The following ZNF875 variants were observed in gnomAD, a reference collection of about 807,000 sequenced individuals.
The protein encoded by ZNF875 is HKR1, GLI-Kruppel zinc finger family member.
Under a neutral mutation model 11.2 loss-of-function variants are expected in ZNF875, and 14 were observed. The ratio of observed to expected loss-of-function variants is 1.26; its 90% CI spans 0.83 to 1.96. ZNF875 has a LOEUF of 1.96. ZNF875 is among the 30% of genes most tolerant of loss of function. The probability of loss-of-function intolerance (pLI) is 0.00; values close to 1 mark genes in which losing one functional copy is unlikely to be tolerated. For synonymous variants in ZNF875, 301 were observed against 281.1 expected (o/e 1.07, Z -0.71); for missense variants, 752 against 760.4 (o/e 0.99, Z 0.13).
Position 37,351,408 on chromosome 19 carries a change from A to G in ZNF875, c.256+3536A>G, listed in dbSNP as rs376104184. On this transcript the variant is annotated intron_variant, in intron 4 of 4. Coordinates refer to ENST00000392153, the MANE Select transcript of ZNF875 (RefSeq NM_001353803.2). The stretch of plus-strand genomic sequence containing the variant: ...TTTGGTTTCATTGATTTTCTGTAGT[A>G]TTAATCTATATCCCATTTAAGTGAT... Among the ~76,000 whole-genome samples the G allele has an allele frequency of 2.9e-4, 44 of 152,270 alleles. No homozygotes were observed. The South Asian group carries it at 4.1e-3, about 14-fold the overall frequency.
chr19:37,350,026 G>A (rs1236301037), intron 4 of ZNF875, among the ~76,000 whole-genome samples: 1 of 128,450 alleles, frequency 7.8e-6, no homozygotes, highest in Non-Finnish European at 1.6e-5. Context: ...GTGCAAAGGC[G>A]CAATCTCGGC....
At chr19:37,332,351 G>T (rs1289361172), upstream of ZNF875, among the ~76,000 whole-genome samples, 1 of 151,908 alleles carries the variant, frequency 6.6e-6, no homozygotes, top group Non-Finnish European at 1.5e-5. Context: ...CCACAGGTGT[G>T]TAGGGGCAAC....
intron 2 of ZNF875, 190 bp from the exon 3 acceptor site, chr19:37,347,000 A>G (rs766743538): frequency 3.1e-5 from 18 of 578,764 alleles, no homozygotes; most frequent in African/African-American, 5.7e-5. Flanking sequence ...TATTTTTAGT[A>G]GAGACGGGGT....
upstream of ZNF875, among the ~76,000 whole-genome samples, chr19:37,333,237 C>T (rs1026989058): frequency 2.0e-5 from 3 of 151,038 alleles, no homozygotes; most frequent in Non-Finnish European, 4.4e-5. Flanking sequence ...CCTCACTGTA[C>T]CCCCACCCCC....
intron 1 of ZNF875, among the ~76,000 whole-genome samples, chr19:37,319,368 T>TATAA (rs1390266781): frequency 2.1e-5 from 3 of 144,022 alleles, no homozygotes; most frequent in Non-Finnish European, 3.0e-5. Context: ...TATATATATA[T>TATAA]AATAAAAATG....
chr19:37,360,498 T>A (rs557040083), intron 4 of ZNF875, among the ~76,000 whole-genome samples: 1 of 152,376 alleles, frequency 6.6e-6, no homozygotes, highest in Non-Finnish European at 1.5e-5. Context: ...ATACCATGAT[T>A]ATGTTGAATC....
chr19:37,361,726 G>T (rs2039954001), intron 4 of ZNF875, among the ~76,000 whole-genome samples: 1 of 152,006 alleles, frequency 6.6e-6, no homozygotes, highest in African/African-American at 2.4e-5. Context: ...AGACCAGCCT[G>T]GCAAACACGG....
intron 1 of ZNF875, among the ~76,000 whole-genome samples, chr19:37,320,510 C>T (rs1480956689): frequency 6.6e-6 from 1 of 152,092 alleles, no homozygotes; most frequent in Non-Finnish European, 1.5e-5. Flanking sequence ...TCAGGAATTA[C>T]ACCAAAATTT....
rs1487251620 is a variant in ZNF875, at chr19:37,363,814, C to T, written c.*39C>T. ...ATAGGGAATGTGGTACAGCCTTTAG[C>T]CAGGAGTCATACTTCATCAGACACC... On this transcript the variant is annotated 3_prime_UTR_variant, in exon 5 of 5. Coordinates refer to ENST00000392153, the MANE Select transcript of ZNF875 (RefSeq NM_001353803.2). 6.5e-7 allele frequency: 1 copy of T among 1,548,556 alleles called. No individual in the cohort carries two copies. The highest frequency in any genetic ancestry group is 1.1e-5 in the South Asian group (1 of 88,030).
intron 1 of ZNF875, among the ~76,000 whole-genome samples, chr19:37,318,703 A>T (rs896776380): frequency 9.9e-5 from 15 of 151,764 alleles, no homozygotes; most frequent in Admixed American, 1.3e-4. Flanking sequence ...TTGTATTTGT[A>T]GTAGAGACGG....
intron 2 of ZNF875, among the ~76,000 whole-genome samples, chr19:37,341,448 A>T (rs1412163776): frequency 6.6e-6 from 1 of 152,106 alleles, no homozygotes; most frequent in East Asian, 1.9e-4. Flanking sequence ...GTTCTCTTCC[A>T]TGTGGGCTTG....
rs373244124 is a variant in ZNF875 at position 37,363,058 on chromosome 19, C to T, written c.1206C>T (p.Gly402=). The T allele has an allele frequency of 1.2e-5, 19 of 1,613,940 alleles. 1 individual carries two copies. The highest frequency in any genetic ancestry group is 3.3e-4 in the Middle Eastern group (2 of 6,082). Reference sequence around the variant, plus strand: ...ACATTTGCAGGGAGTGTGAGCAAGGCTTTAGCCAGAAGTCACACCTCATCA... The same window carrying T: ...ACATTTGCAGGGAGTGTGAGCAAGGTTTTAGCCAGAAGTCACACCTCATCA... The part of the protein sequence containing the change: ...KPYICRECEQ[G]FSQKSHLIRH... The change falls in exon 5 of 5, where the codon GGC becomes GGT. Residue 402 remains glycine, a synonymous_variant. Transcript: ENST00000392153.
chr19:37,319,344 C>CAAAGATATATATATATATATATAT (rs2030825861), intron 1 of ZNF875, among the ~76,000 whole-genome samples: 1 of 112,350 alleles, frequency 8.9e-6, no homozygotes, highest in Non-Finnish European at 1.7e-5. Flanking sequence ...CTGCAGCCGG[C>CAAAGATATATATATATATATATAT]ATATATATAT....
chr19:37,329,142 A>G (rs2145798093), intron 4 of ZNF875: 1 of 152,308 alleles, frequency 6.6e-6, no homozygotes, highest in African/African-American at 2.4e-5. Flanking sequence ...ACTGACACAC[A>G]CATCTGCTCA....
rs1277406261 is a variant in ZNF875, at chr19:37,347,790, T to A, written c.174T>A (p.Ser58=). The change falls in exon 4 of 5, where the codon TCT becomes TCA. Residue 58 remains serine, a synonymous_variant. Transcript: ENST00000392153. ...CCCTATGAACAGAAATTCCATCTTC[T>A]AAACCAAAACTCATTGCTCAGCTGG... is the stretch of plus-strand genomic sequence containing the variant. The part of the protein sequence containing the change: ...NHLVSLEIPS[S]KPKLIAQLER... 4 of 1,612,484 alleles carry A rather than the reference T, an allele frequency of 2.5e-6. No homozygotes were observed. In the South Asian group the frequency reaches 4.4e-5, roughly 18 times the overall value.
At chr19:37,323,062 G>A (rs1048396974) in intron 2 of ZNF875, among the ~76,000 whole-genome samples, 1 of 151,990 alleles carries the variant, frequency 6.6e-6, no homozygotes, top group Non-Finnish European at 1.5e-5. Context: ...GTTCTCTGTG[G>A]GTCTGTCCTG....
chr19:37,318,568 C>T (rs910564389), intron 1 of ZNF875, among the ~76,000 whole-genome samples: 2 of 150,578 alleles, frequency 1.3e-5, no homozygotes, highest in African/African-American at 4.9e-5. Flanking sequence ...GTCGCCCAGG[C>T]TGGAGTGCAG....
chr19:37,332,881 C>T (rs1169201754), upstream of ZNF875, among the ~76,000 whole-genome samples: 1 of 152,160 alleles, frequency 6.6e-6, no homozygotes, highest in African/African-American at 2.4e-5. Context: ...CCTTAAAGCA[C>T]AGATAATGAC....
intron 2 of ZNF875, among the ~76,000 whole-genome samples, chr19:37,340,838 C>T (rs768161544): frequency 7.3e-5 from 11 of 151,712 alleles, no homozygotes; most frequent in South Asian, 2.1e-4. Context: ...TTAGTAGAGA[C>T]GGGGTGTCAC....
Sources: allele counts gnomAD v4.1 joint callset (sites outside exome capture counted in the v4.1 genomes callset), GRCh38; gene constraint gnomAD v4.1.1; transcripts MANE v1.5; gene names NCBI Gene and HGNC (gene_info 2026-07-23, HGNC 2026-07-21).